Variants in OR51B5 observed in about 807,000 individuals in gnomAD.
OR51B5 encodes olfactory receptor family 51 subfamily B member 5.
For synonymous variants in OR51B5, 186 were observed against 144.8 expected, an observed-to-expected ratio of 1.28 and a Z score of -2.04; for missense variants, 456 against 374.6, an observed-to-expected ratio of 1.22 and a Z score of -1.79.
intron 1 of OR51B5, chr11:5,455,619 G>A (rs571083932): frequency 1.3e-5 from 2 of 150,132 alleles, no homozygotes; most frequent in South Asian, 2.1e-4. Context: ...GAGAAAGAGA[G>A]AAAGAGAGAG....
intron 1 of OR51B5, among the ~76,000 whole-genome samples, chr11:5,460,407 A>T (rs1851031529): frequency 6.6e-6 from 1 of 152,214 alleles, no homozygotes; most frequent in Admixed American, 6.5e-5. Context: ...TGAAAAAAGA[A>T]ATTCTTCTAC....
At position 5,343,472 on chromosome 11, in the gene OR51B5, A is replaced by AAGCCTGGAAAACCAGTCAAT; in HGVS notation, c.33_52dup (p.Leu18TyrfsTer2). The AAGCCTGGAAAACCAGTCAAT allele has an allele frequency of 6.6e-7, 1 of 1,522,558 alleles. No individual in the cohort carries two copies. Among genetic ancestry groups the AAGCCTGGAAAACCAGTCAAT allele is most frequent in the East Asian group, 2.2e-5 (1 of 44,452 alleles). The allele number at this position is 1,522,558 out of a possible 1,614,324, so 94.3% of individuals were successfully genotyped here. The stretch of plus-strand genomic sequence containing the variant: ...GGAAATCCAGTGATGAGCTTCCTCC[A>AAGCCTGGAAAACCAGTCAAT]AGCCTGGAAAACCAGTCAATAGGAA... On this transcript the variant is annotated stop_gained and frameshift_variant, in exon 1 of 1. Coordinates refer to ENST00000300773, the Ensembl canonical transcript of OR51B5. LOFTEE classifies it low-confidence loss of function (END_TRUNC).
At chr11:5,486,487 A>G (rs1251541789) in intron 1 of OR51B5, among the ~76,000 whole-genome samples, 1 of 2,976 alleles carries the variant, frequency 3.4e-4, no homozygotes, top group African/African-American at 3.6e-4. Flanking sequence ...GGCATGTGAC[A>G]CGAAAATGTA....
At chr11:5,432,242 G>A (rs1204733536) in intron 1 of OR51B5, among the ~76,000 whole-genome samples, 1 of 151,906 alleles carries the variant, frequency 6.6e-6, no homozygotes, top group Non-Finnish European at 1.5e-5. Context: ...AACTTTTTTA[G>A]CTCCCACATT....
At chr11:5,466,788 CT>C (rs1405308018) in intron 1 of OR51B5, among the ~76,000 whole-genome samples, 3 of 152,182 alleles carry the variant, frequency 2.0e-5, no homozygotes, top group Non-Finnish European at 2.9e-5. Flanking sequence ...CAAAGTAGCA[CT>C]TTCTTTGAGG....
chr11:5,343,207 G>T, exon 1 of OR51B5: 1 of 1,613,788 alleles, frequency 6.2e-7, no homozygotes, highest in Non-Finnish European at 8.5e-7. Context: ...ACTCGAGAAA[G>T]GAAAGTGAGT....
At chr11:5,440,593 AC>A in intron 1 of OR51B5, 1 of 1,613,258 alleles carries the variant, frequency 6.2e-7, no homozygotes. Flanking sequence ...TTATGGAAGA[AC>A]TTGAGAATCC....
chr11:5,452,919 C>G (rs1351449428), intron 1 of OR51B5, among the ~76,000 whole-genome samples: 5 of 152,234 alleles, frequency 3.3e-5, no homozygotes, highest in Non-Finnish European at 5.9e-5. Context: ...ATGACTGCCT[C>G]TGGAGGCAGT....
At chr11:5,470,273 C>A (rs1851207481) in intron 1 of OR51B5, among the ~76,000 whole-genome samples, 1 of 152,174 alleles carries the variant, frequency 6.6e-6, no homozygotes, top group Non-Finnish European at 1.5e-5. Flanking sequence ...CTCCTATCAG[C>A]ATTCAAATAT....
intron 1 of OR51B5, among the ~76,000 whole-genome samples, chr11:5,421,864 G>C (rs1034618473): frequency 2.0e-4 from 30 of 152,314 alleles, no homozygotes; most frequent in African/African-American, 6.5e-4. Flanking sequence ...TGTGAGAACA[G>C]TATTGATAGT....
chr11:5,388,096 AATT>A (rs551700932), intron 1 of OR51B5, among the ~76,000 whole-genome samples: 102 of 152,258 alleles, frequency 6.7e-4, no homozygotes, highest in African/African-American at 2.4e-3. Flanking sequence ...ATTAATGAAT[AATT>A]ATTGAAATAA....
intron 1 of OR51B5, among the ~76,000 whole-genome samples, chr11:5,478,832 G>A (rs1297139107): frequency 2.7e-5 from 4 of 150,006 alleles, no homozygotes; most frequent in South Asian, 4.2e-4. Context: ...AAAGAAATGA[G>A]CAAAGCCTCC....
chr11:5,377,407 G>C (rs570981890), intron 1 of OR51B5, among the ~76,000 whole-genome samples: 3 of 152,154 alleles, frequency 2.0e-5, no homozygotes, highest in Non-Finnish European at 4.4e-5. Flanking sequence ...GCACAAGACA[G>C]GGATGCCCTC....
At chr11:5,397,293 G>A (rs1418059907) in intron 1 of OR51B5, among the ~76,000 whole-genome samples, 2 of 152,106 alleles carry the variant, frequency 1.3e-5, no homozygotes, top group South Asian at 2.1e-4. Flanking sequence ...GAAAATTTTT[G>A]CAATCTACTC....
intron 1 of OR51B5, among the ~76,000 whole-genome samples, chr11:5,500,259 C>A (rs1424275428): frequency 6.6e-6 from 1 of 152,220 alleles, no homozygotes; most frequent in Non-Finnish European, 1.5e-5. Flanking sequence ...AATCACCATG[C>A]TCACTAATAT....
intron 1 of OR51B5, among the ~76,000 whole-genome samples, chr11:5,494,517 C>T (rs1009592847): frequency 5.9e-5 from 9 of 152,256 alleles, no homozygotes; most frequent in Middle Eastern, 3.4e-3. Flanking sequence ...GAATATTTTA[C>T]GTCGTGTATA....
At chr11:5,484,038 C>A (rs374081022) in intron 1 of OR51B5, among the ~76,000 whole-genome samples, 1 of 152,170 alleles carries the variant, frequency 6.6e-6, no homozygotes, top group South Asian at 2.1e-4. Flanking sequence ...CCACCACACT[C>A]TTTCTCCCAC....
rs147328747 is a variant in OR51B5 at position 5,453,551 on chromosome 11, G to A, written n.84+52018C>T. The A allele has an allele frequency of 2.1e-4, 331 of 1,607,814 alleles. No homozygotes were observed. The African/African-American group carries it at 4.2e-3, about 21-fold the overall frequency. On this transcript the variant is annotated intron_variant and non_coding_transcript_variant, in intron 1 of 4. Transcript: ENST00000415970. The stretch of plus-strand genomic sequence containing the variant: ...TCCTGACTGGTATCCCTGGTCTGGA[G>A]AGCTCTCACTCCTGGCTGTCAGGGC...
At chr11:5,458,679 G>A (rs1851000392) in intron 1 of OR51B5, among the ~76,000 whole-genome samples, 1 of 152,132 alleles carries the variant, frequency 6.6e-6, no homozygotes, top group South Asian at 2.1e-4. Flanking sequence ...CACCTGCACC[G>A]TTAACTGTAA....
Sources: allele counts gnomAD v4.1 joint callset (sites outside exome capture counted in the v4.1 genomes callset), GRCh38; gene constraint gnomAD v4.1.1; transcripts MANE v1.5; gene names NCBI Gene and HGNC (gene_info 2026-07-23, HGNC 2026-07-21).